Variants in ATE1 observed in about 807,000 individuals in gnomAD.
The protein encoded by ATE1 is arginyltransferase 1.
A neutral mutation model predicts 70.5 loss-of-function variants in ATE1; 36 were observed. That is an observed-to-expected ratio of 0.51 (90% CI 0.39 to 0.67). The LOEUF is 0.67. Ranked by LOEUF, ATE1 falls within the 30% of genes least tolerant of loss-of-function variation. ATE1 has a pLI of 0.00. For missense variants in ATE1, 593 were observed against 629.5 expected, an observed-to-expected ratio of 0.94 and a Z score of 0.62; for synonymous variants, 232 against 219.3, an observed-to-expected ratio of 1.06 and a Z score of -0.51.
chr10:121,809,499 T>C (rs1378538526), intron 10 of ATE1, among the ~76,000 whole-genome samples: 1 of 152,178 alleles, frequency 6.6e-6, no homozygotes, highest in Non-Finnish European at 1.5e-5. Context: ...ATAATCTTTA[T>C]TGTTTCATCA....
At chr10:121,896,161 G>A (rs1003886584) in intron 7 of ATE1, among the ~76,000 whole-genome samples, 2 of 152,096 alleles carry the variant, frequency 1.3e-5, no homozygotes, top group Admixed American at 6.5e-5. Flanking sequence ...CCTGTGAACT[G>A]GTCAGTAGAT....
chr10:121,878,283 A>G (rs1207492078), intron 7 of ATE1, among the ~76,000 whole-genome samples: 1 of 152,180 alleles, frequency 6.6e-6, no homozygotes, highest in Non-Finnish European at 1.5e-5. Flanking sequence ...AGCAGTGACT[A>G]TAAGAGCATA....
intron 10 of ATE1, among the ~76,000 whole-genome samples, chr10:121,831,220 G>A (rs1174458262): frequency 2.0e-5 from 3 of 152,094 alleles, no homozygotes; most frequent in East Asian, 1.9e-4. Context: ...ATACTGTTTC[G>A]AATAACCTAA....
intron 9 of ATE1, among the ~76,000 whole-genome samples, chr10:121,837,061 A>T (rs1948459090): frequency 6.6e-6 from 1 of 152,256 alleles, no homozygotes; most frequent in Non-Finnish European, 1.5e-5. Context: ...TGGACAAAGT[A>T]GCTGATCTAA....
At chr10:121,908,961 T>C (rs550763487) in intron 5 of ATE1, among the ~76,000 whole-genome samples, 53 of 152,302 alleles carry the variant, frequency 3.5e-4, no homozygotes, top group Admixed American at 2.9e-3. Context: ...TGAGGAATGA[T>C]GGAAGGGGAA....
At chr10:121,747,912 G>C (rs973469747) in intron 11 of ATE1, among the ~76,000 whole-genome samples, 5 of 152,160 alleles carry the variant, frequency 3.3e-5, no homozygotes, top group African/African-American at 4.8e-5. Flanking sequence ...ATTTTAATGT[G>C]TGCACATTGC....
intron 10 of ATE1, among the ~76,000 whole-genome samples, chr10:121,818,754 C>A (rs1947665069): frequency 6.6e-6 from 1 of 152,164 alleles, no homozygotes; most frequent in South Asian, 2.1e-4. Flanking sequence ...ACTTGTTTAA[C>A]AAGAGAAGAC....
rs550406055 is a variant in ATE1 at position 121,875,674 on chromosome 10, G to A, written c.943-5636C>T. Among the ~76,000 whole-genome samples, 11 of 152,208 alleles carry A rather than the reference G, an allele frequency of 7.2e-5. No homozygotes were observed. The South Asian group carries it at 1.0e-3, about 14-fold the overall frequency. On this transcript the variant is annotated intron_variant, in intron 7 of 11. Transcript: ENST00000224652. Reference sequence around the variant, plus strand: ...TTCCCCAGGTGGTATCCTGTGGCACGGCAGTCTCCTGAGACACTCTCTAAA... The same window carrying A: ...TTCCCCAGGTGGTATCCTGTGGCACAGCAGTCTCCTGAGACACTCTCTAAA...
chr10:121,840,734 CATA>C lies in ATE1; in HGVS notation c.1157+345_1157+347del, dbSNP rs138429661. ...TTATAGATTATAGATACTAGTTATACATAATATTTACTTATATATTACATAACT... is the reference window on the plus strand; with the variant it reads ...TTATAGATTATAGATACTAGTTATACATATTTACTTATATATTACATAACT... On this transcript the variant is annotated intron_variant, in intron 9 of 11. Transcript: ENST00000224652. 4.3e-3 allele frequency among the ~76,000 whole-genome samples: 652 copies of C among 150,952 alleles called. 5 individuals carry two copies. The highest frequency in any genetic ancestry group is 0.015 in the African/African-American group (626 of 41,252).
chr10:121,922,421 T>C lies in ATE1; in HGVS notation c.171-10A>G, dbSNP rs1160002919. The C allele has an allele frequency of 6.4e-7, 1 of 1,559,614 alleles. No homozygotes were observed. The highest frequency in any genetic ancestry group is 1.1e-5 in the South Asian group (1 of 88,316). ...CACATATTTTCCACTTCTAAAATTATAAAAATAGTTTGTTAATGTCTTATA... is the reference window on the plus strand; with the variant it reads ...CACATATTTTCCACTTCTAAAATTACAAAAATAGTTTGTTAATGTCTTATA... On this transcript the variant is annotated splice_polypyrimidine_tract_variant and intron_variant, in intron 2 of 11. Coordinates refer to ENST00000224652, the MANE Select transcript of ATE1 (RefSeq NM_001001976.3).
chr10:121,775,057 A>G (rs1472984974), intron 11 of ATE1, among the ~76,000 whole-genome samples: 1 of 152,216 alleles, frequency 6.6e-6, no homozygotes, highest in East Asian at 1.9e-4. Context: ...CAAAGAAAAC[A>G]AAAGCAAAGA....
intron 7 of ATE1, among the ~76,000 whole-genome samples, chr10:121,887,228 G>A (rs144953191): frequency 5.9e-5 from 9 of 152,098 alleles, no homozygotes; most frequent in African/African-American, 1.9e-4. Flanking sequence ...AGCTTCCACC[G>A]TCTCCTTTCA....
At chr10:121,796,759 A>G (rs1946674113) in intron 10 of ATE1, among the ~76,000 whole-genome samples, 1 of 152,206 alleles carries the variant, frequency 6.6e-6, no homozygotes, top group African/African-American at 2.4e-5. Context: ...AAAACACCCT[A>G]GCTAAATGCA....
chr10:121,799,479 T>G (rs190928149), intron 10 of ATE1, among the ~76,000 whole-genome samples: 8 of 151,154 alleles, frequency 5.3e-5, no homozygotes, highest in African/African-American at 1.7e-4. Flanking sequence ...CAAATACAGA[T>G]CCAAGACCCA....
At chr10:121,925,345 A>G (rs998574307) in intron 1 of ATE1, among the ~76,000 whole-genome samples, 2 of 150,682 alleles carry the variant, frequency 1.3e-5, no homozygotes, top group African/African-American at 4.9e-5. Context: ...GCTTGAACCC[A>G]GGAGGCGGAG....
intron 8 of ATE1, among the ~76,000 whole-genome samples, chr10:121,841,565 C>A (rs896207136): frequency 2.6e-5 from 4 of 152,136 alleles, no homozygotes; most frequent in African/African-American, 9.7e-5. Flanking sequence ...CTATGTCCTT[C>A]CATTTCTATA....
chr10:121,810,330 G>C (rs1050269704), intron 10 of ATE1, among the ~76,000 whole-genome samples: 6 of 152,040 alleles, frequency 3.9e-5, no homozygotes, highest in African/African-American at 1.4e-4. Flanking sequence ...GAGTGCAGTG[G>C]CACAATCTTG....
At chr10:121,890,427 C>A (rs1428316349) in intron 7 of ATE1, among the ~76,000 whole-genome samples, 3 of 152,016 alleles carry the variant, frequency 2.0e-5, no homozygotes, top group African/African-American at 7.2e-5. Flanking sequence ...TAAAATGACT[C>A]ATACACAAAA....
At chr10:121,914,728 G>T (rs11200252) in intron 3 of ATE1, among the ~76,000 whole-genome samples, 20,086 of 152,144 alleles carry the variant, frequency 0.13, 1,530 homozygotes, top group East Asian at 0.19. Flanking sequence ...CTGCAAACTT[G>T]CAGGAAAGAG....
Sources: allele counts gnomAD v4.1 joint callset (sites outside exome capture counted in the v4.1 genomes callset), GRCh38; gene constraint gnomAD v4.1.1; transcripts MANE v1.5; gene names NCBI Gene and HGNC (gene_info 2026-07-23, HGNC 2026-07-21).